The following BRD7 variants were observed in gnomAD, a reference collection of about 807,000 sequenced individuals.
BRD7 encodes bromodomain containing 7, also known as bromodomain-containing protein 7.
Under a neutral mutation model 82.1 loss-of-function variants are expected in BRD7, and 15 were observed. That is an observed-to-expected ratio of 0.18 (90% CI 0.12 to 0.28). The LOEUF (loss-of-function observed/expected upper bound fraction) is 0.28, where lower values mean the gene tolerates loss of function less well. Among genes scored for constraint, BRD7 ranks in the 10% least tolerant of loss-of-function variants. The pLI is 1.00. For synonymous variants in BRD7, 232 were observed against 266.9 expected, an observed-to-expected ratio of 0.87 and a Z score of 1.27; for missense variants, 638 against 779.9, an observed-to-expected ratio of 0.82 and a Z score of 2.17.
chr16:50,343,841 G>C (rs1207396076), intron 5 of BRD7, among the ~76,000 whole-genome samples: 3 of 152,174 alleles, frequency 2.0e-5, no homozygotes, highest in Admixed American at 2.0e-4. Context: ...TGGGGGCAGG[G>C]CATAGCTGAA....
At chr16:50,339,778 T>G (rs964084534) in intron 6 of BRD7, among the ~76,000 whole-genome samples, 198 bp downstream of exon 6, 4 of 152,238 alleles carry the variant, frequency 2.6e-5, no homozygotes, top group Non-Finnish European at 5.9e-5. Context: ...TTTGTATTGA[T>G]TCCAAGTAAG....
At chr16:50,337,859 C>T (rs149043548) in intron 6 of BRD7, among the ~76,000 whole-genome samples, 1 of 148,718 alleles carries the variant, frequency 6.7e-6, no homozygotes, top group East Asian at 2.0e-4. Context: ...GGGTGGGGCT[C>T]CTCAACAGCA....
chr16:50,338,906 T>C (rs549567583), intron 6 of BRD7, among the ~76,000 whole-genome samples: 1 of 152,332 alleles, frequency 6.6e-6, no homozygotes, highest in African/African-American at 2.4e-5. Context: ...AAGTAGTCTC[T>C]TACATAGGTT....
At chr16:50,334,638 C>A in intron 7 of BRD7, 73 bp downstream of exon 7, 1 of 1,537,738 alleles carries the variant, frequency 6.5e-7, no homozygotes, top group East Asian at 2.3e-5. Context: ...CAAGTCAGGC[C>A]CCGAATAAGT....
Position 50,328,696 on chromosome 16 carries a change from G to A in BRD7, c.1060C>T (p.Leu354Phe), listed in dbSNP as rs1446137671. 1.2e-6 allele frequency: 2 copies of A among 1,613,880 alleles called. No homozygotes were observed. The highest frequency in any genetic ancestry group is 1.7e-6 in the Non-Finnish European group (2 of 1,179,988). ...KPDGTTTLGLLHPVDPIVGEP... is the reference protein window; with the variant it reads ...KPDGTTTLGLFHPVDPIVGEP... ...CCTACAATGGGATCCACAGGATGGA[G>A]AAGTCCCAACGTCGTTGTTCCATCT... Residue 354 changes from leucine to phenylalanine, a missense_variant, in exon 9 of 17, where the codon CTC (leucine) becomes TTC (phenylalanine). Coordinates refer to ENST00000394688, the MANE Select transcript of BRD7 (RefSeq NM_013263.5).
intron 2 of BRD7, among the ~76,000 whole-genome samples, 196 bp downstream of exon 2, chr16:50,367,882 GTGCGAGTACAAT>G (rs1045793992): frequency 5.9e-5 from 9 of 152,192 alleles, no homozygotes; most frequent in African/African-American, 2.2e-4. Context: ...CTCACCTGAT[GTGCGAGTACAAT>G]TGCCTAAGAG....
chr16:50,341,310 C>A (rs913910353), intron 5 of BRD7, among the ~76,000 whole-genome samples: 1 of 151,844 alleles, frequency 6.6e-6, no homozygotes. Flanking sequence ...AGATTAAAGA[C>A]CTTTGTTACA....
chr16:50,333,798 T>G, intron 7 of BRD7, 101 bp from the exon 8 acceptor site: 1 of 1,024,134 alleles, frequency 9.8e-7, no homozygotes, highest in Non-Finnish European at 1.4e-6. Flanking sequence ...AGTGGAGACA[T>G]TTGTACTACA....
intron 2 of BRD7, among the ~76,000 whole-genome samples, chr16:50,355,558 A>G (rs1393735326): frequency 2.6e-5 from 4 of 152,230 alleles, no homozygotes; most frequent in African/African-American, 9.6e-5. Flanking sequence ...ACCCATGTAC[A>G]TAGAATAATC....
intron 5 of BRD7, among the ~76,000 whole-genome samples, chr16:50,346,405 G>A (rs941329946): frequency 1.4e-4 from 21 of 152,204 alleles, no homozygotes; most frequent in African/African-American, 4.8e-4. Context: ...CAGAAGGCAA[G>A]AAATAACTAA....
In BRD7 at chr16:50,316,876, A is replaced by G. The variant is rs1815453361; in HGVS notation, c.*2335T>C. 6.6e-6 allele frequency: 1 copy of G among 152,352 alleles called. No homozygotes were observed. The highest frequency in any genetic ancestry group is 1.5e-5 in the Non-Finnish European group (1 of 68,034). The allele number at this position is 152,352 out of a possible 1,614,324, so 9.4% of individuals were successfully genotyped here. A position where few individuals can be genotyped will look rare whatever the true frequency, so the allele number is the denominator to read the frequency against. On this transcript the variant is annotated 3_prime_UTR_variant, in exon 17 of 17. Transcript: ENST00000394688. The stretch of plus-strand genomic sequence containing the variant: ...TTTCTAATGCACTCAGTTTCCCTAC[A>G]TAGCAGGGATTCTTAGCTAGGTGTC...
At chr16:50,320,421 G>A (rs762034078) in intron 14 of BRD7, 30 bp from the exon 15 acceptor site, 1 of 1,606,262 alleles carries the variant, frequency 6.2e-7, no homozygotes, top group South Asian at 1.1e-5. Context: ...ACACACTTCT[G>A]TTTGATCTTG....
At chr16:50,366,365 T>C (rs2039143873) in intron 2 of BRD7, among the ~76,000 whole-genome samples, 1 of 152,140 alleles carries the variant, frequency 6.6e-6, no homozygotes, top group Non-Finnish European at 1.5e-5. Flanking sequence ...GACAGAAAGC[T>C]GTAAGATAAA....
At position 50,328,716 on chromosome 16, in the gene BRD7, C is replaced by T. The variant is rs1437606915; in HGVS notation, c.1040G>A (p.Gly347Glu). 1 of 1,613,940 alleles carries T rather than the reference C, an allele frequency of 6.2e-7. No individual in the cohort carries two copies. The stretch of plus-strand genomic sequence containing the variant: ...ATGGAGAAGTCCCAACGTCGTTGTT[C>T]CATCTGGTTTTCTTCTTTCAAATTC... ...QCEFERRKPD[G>E]TTTLGLLHPV... Residue 347 changes from glycine to glutamate, a missense_variant, in exon 9 of 17, where the codon GGA (glycine) becomes GAA (glutamate). By Grantham distance (98) the Gly-to-Glu change is moderately conservative. Around this residue, in one of 3 missense-constraint regions of BRD7, gnomAD observed 402 missense variants for 500.8 expected, o/e 0.80. Coordinates refer to ENST00000394688, the MANE Select transcript of BRD7 (RefSeq NM_013263.5).
rs1466994542 is a variant in BRD7 at position 50,316,414 on chromosome 16, C to T, written c.*2797G>A. The T allele has an allele frequency of 3.3e-5, 5 of 152,378 alleles. No homozygotes were observed. Among genetic ancestry groups the T allele is most frequent in the Non-Finnish European group, 7.3e-5 (5 of 68,034 alleles). 9.4% of individuals were successfully genotyped at this position (152,378 alleles called of 1,614,324 possible). A position where few individuals can be genotyped will look rare whatever the true frequency, so the allele number is the denominator to read the frequency against. ...ACCTCTTCCTTGATTACTCACACATCTTTGCGTTCTCCCCTGCCGTCCTTC... is the reference window on the plus strand; with the variant it reads ...ACCTCTTCCTTGATTACTCACACATTTTTGCGTTCTCCCCTGCCGTCCTTC... On this transcript the variant is annotated 3_prime_UTR_variant, in exon 17 of 17. Transcript: ENST00000394688.
intron 6 of BRD7, among the ~76,000 whole-genome samples, chr16:50,337,483 C>T (rs1287290517): frequency 6.6e-6 from 1 of 152,086 alleles, no homozygotes; most frequent in Non-Finnish European, 1.5e-5. Context: ...TGGTCTCAAA[C>T]TCCTGACCTC....
chr16:50,367,109 T>C (rs992453742), intron 2 of BRD7, among the ~76,000 whole-genome samples: 2 of 152,234 alleles, frequency 1.3e-5, no homozygotes, highest in Non-Finnish European at 2.9e-5. Context: ...TCCTCTTGTA[T>C]ATATAAACAT....
rs2038391782 is a variant in BRD7, at chr16:50,348,737, C to A, written c.591+1286G>T. Reference sequence around the variant, plus strand: ...ATCTCACACCAGTTAGAACGGTGATCATTAAAAAGTCAGGAAACAACAGGT... The same window carrying A: ...ATCTCACACCAGTTAGAACGGTGATAATTAAAAAGTCAGGAAACAACAGGT... On this transcript the variant is annotated intron_variant, in intron 5 of 16. Coordinates refer to ENST00000394688, the MANE Select transcript of BRD7 (RefSeq NM_013263.5). 3.3e-5 allele frequency among the ~76,000 whole-genome samples: 5 copies of A among 152,114 alleles called. No homozygotes were observed. In the South Asian group the frequency reaches 1.0e-3, roughly 31 times the overall value.
At chr16:50,353,616 C>T (rs541338831) in intron 4 of BRD7, among the ~76,000 whole-genome samples, 15 of 151,032 alleles carry the variant, frequency 9.9e-5, no homozygotes, top group South Asian at 2.1e-4. Context: ...TTTTTTGAGA[C>T]GGAATCTTGC....
Sources: allele counts gnomAD v4.1 joint callset (sites outside exome capture counted in the v4.1 genomes callset), GRCh38; gene constraint gnomAD v4.1.1; regional missense constraint gnomAD v4.1.1; transcripts MANE v1.5; gene names NCBI Gene and HGNC (gene_info 2026-07-23, HGNC 2026-07-21).